PLAC1: variants seen among roughly 807,000 people sequenced by gnomAD.
PLAC1 encodes the protein placenta-specific protein 1.
For synonymous variants in PLAC1, 68 were observed against 62.1 expected (o/e 1.09, Z -0.44); for missense variants, 136 against 163.2 (o/e 0.83, Z 0.91).
intron 2 of PLAC1, 177 bp downstream of exon 2, chrX:134,601,865 CACTCTATTT>C (rs1183565720): frequency 8.9e-6 from 1 of 112,177 alleles, no homozygotes; most frequent in African/African-American, 3.2e-5. Flanking sequence ...TGATCACTTA[CACTCTATTT>C]CCTGGTATAA....
chrX:134,691,959 A>G (rs2078543969), intron 2 of PLAC1, among the ~76,000 whole-genome samples: 4 of 112,404 alleles, frequency 3.6e-5, no homozygotes, highest in African/African-American at 1.3e-4. Context: ...CATTTCAAGC[A>G]GCTTCTTTTG....
chrX:134,678,567 A>G (rs781188416), intron 2 of PLAC1, among the ~76,000 whole-genome samples: 4 of 111,416 alleles, frequency 3.6e-5, no homozygotes, highest in Non-Finnish European at 5.6e-5. Context: ...AGCACTTATC[A>G]CTACCTGACA....
intron 2 of PLAC1, among the ~76,000 whole-genome samples, chrX:134,731,282 T>C (rs2078688328): frequency 8.9e-6 from 1 of 112,071 alleles, no homozygotes; most frequent in East Asian, 2.8e-4. Flanking sequence ...GGGGATATAA[T>C]TGTACCTACC....
chrX:134,622,500 C>G (rs892403144), intron 1 of PLAC1, among the ~76,000 whole-genome samples: 1 of 111,480 alleles, frequency 9.0e-6, no homozygotes, highest in African/African-American at 3.3e-5. Context: ...ACTTTGACAG[C>G]TGGAGCTCCA....
At chrX:134,617,994 G>A (rs1393174170) in intron 1 of PLAC1, among the ~76,000 whole-genome samples, 5 of 111,955 alleles carry the variant, frequency 4.5e-5, no homozygotes, top group Non-Finnish European at 7.5e-5. Flanking sequence ...TGAGAACAGG[G>A]ATGGGAAGGC....
At chrX:134,698,472 T>G (rs2078572302) in intron 2 of PLAC1, among the ~76,000 whole-genome samples, 1 of 111,968 alleles carries the variant, frequency 8.9e-6, no homozygotes, top group Non-Finnish European at 1.9e-5. Context: ...AAAAAAATAC[T>G]GTGATGAATA....
intron 2 of PLAC1, among the ~76,000 whole-genome samples, chrX:134,589,044 T>C (rs781596721): frequency 8.9e-6 from 1 of 111,747 alleles, no homozygotes; most frequent in Admixed American, 9.5e-5. Context: ...ACTTTGAGCA[T>C]GTTCCCCCAA....
intron 1 of PLAC1, among the ~76,000 whole-genome samples, chrX:134,752,016 G>A (rs1018588833): frequency 1.8e-5 from 2 of 112,148 alleles, no homozygotes; most frequent in African/African-American, 6.5e-5. Flanking sequence ...CAACTCTGTA[G>A]AAGTTATCAG....
chrX:134,593,817 A>G lies in PLAC1; in HGVS notation c.-59+8234T>C, dbSNP rs1266227200. On this transcript the variant is annotated intron_variant, in intron 2 of 2. Coordinates refer to ENST00000359237, the MANE Select transcript of PLAC1 (RefSeq NM_021796.4). Reference sequence around the variant, plus strand: ...GTTTAAAAAAAATAGTTTTCTTGCTATTCTCTATACAGACCATCATGTCAT... The same window carrying G: ...GTTTAAAAAAAATAGTTTTCTTGCTGTTCTCTATACAGACCATCATGTCAT... 2.7e-5 allele frequency among the ~76,000 whole-genome samples: 3 copies of G among 111,907 alleles called. No individual in the cohort carries two copies. In the Admixed American group the frequency reaches 2.9e-4, roughly 11 times the overall value.
At chrX:134,704,624 T>C (rs907479428) in intron 2 of PLAC1, among the ~76,000 whole-genome samples, 1 of 106,085 alleles carries the variant, frequency 9.4e-6, no homozygotes, top group African/African-American at 3.4e-5. Flanking sequence ...AGTATTCTAC[T>C]TTAATATATA....
At chrX:134,644,389 A>G in intron 1 of PLAC1, among the ~76,000 whole-genome samples, 1 of 111,099 alleles carries the variant, frequency 9.0e-6, no homozygotes, top group African/African-American at 3.3e-5. Context: ...TTCCATGTCT[A>G]CTGCTCTTCT....
chrX:134,650,427 A>C lies in PLAC1; in HGVS notation c.-131+7901T>G, dbSNP rs1218841986. On this transcript the variant is annotated intron_variant, in intron 1 of 2. Coordinates refer to ENST00000359237, the MANE Select transcript of PLAC1 (RefSeq NM_021796.4). ...ACCACAATCTGGAGCCTTTTATTAC[A>C]AGGGTAAACAACCCGACTTATTCCC... Among the ~76,000 whole-genome samples the C allele has an allele frequency of 2.7e-5, 3 of 110,919 alleles. No homozygotes were observed. In the East Asian group the frequency reaches 8.5e-4, roughly 31 times the overall value.
intron 2 of PLAC1, among the ~76,000 whole-genome samples, chrX:134,693,025 T>TA (rs1181737796): frequency 1.8e-5 from 2 of 111,863 alleles, no homozygotes; most frequent in East Asian, 2.8e-4. Flanking sequence ...CACCCTTGAG[T>TA]AAAAAATCTC....
At chrX:134,625,566 G>A (rs892391289) in intron 1 of PLAC1, among the ~76,000 whole-genome samples, 1 of 111,826 alleles carries the variant, frequency 8.9e-6, no homozygotes, top group East Asian at 2.8e-4. Flanking sequence ...ATGTCAGAAA[G>A]GGCTCCCTCC....
At chrX:134,760,838 T>G (rs2147855082) in intron 1 of PLAC1, among the ~76,000 whole-genome samples, 1 of 111,278 alleles carries the variant, frequency 9.0e-6, no homozygotes, top group Non-Finnish European at 1.9e-5. Flanking sequence ...CAGAGCCAAG[T>G]CTAGGCCTCC....
chrX:134,722,900 A>T (rs1165085682), intron 2 of PLAC1, among the ~76,000 whole-genome samples: 3 of 109,710 alleles, frequency 2.7e-5, no homozygotes, highest in Admixed American at 2.0e-4. Context: ...AGTCCAAGCT[A>T]CTCAGGAGGC....
At chrX:134,663,448 G>GTT (rs397805162), upstream of PLAC1, among the ~76,000 whole-genome samples, 2 of 112,368 alleles carry the variant, frequency 1.8e-5, no homozygotes, top group African/African-American at 6.4e-5. Context: ...GTGTGTGTGT[G>GTT]CGCGCACGCG....
chrX:134,606,136 G>A (rs1044654800), intron 1 of PLAC1: 4 of 110,238 alleles, frequency 3.6e-5, no homozygotes, highest in Non-Finnish European at 5.7e-5. Context: ...CAGCTACTCA[G>A]GAGGCTGAGG....
At chrX:134,677,952 A>G (rs943153090) in intron 2 of PLAC1, among the ~76,000 whole-genome samples, 2 of 111,036 alleles carry the variant, frequency 1.8e-5, no homozygotes, top group African/African-American at 6.6e-5. Flanking sequence ...TTGAATATGA[A>G]GCTGAGAGGA....
Sources: gnomAD v4.1 joint callset for allele counts (sites outside exome capture counted in the v4.1 genomes callset) on GRCh38, gnomAD v4.1.1 for gene constraint, MANE v1.5 for transcripts, NCBI Gene and HGNC (gene_info 2026-07-23, HGNC 2026-07-21) for gene names.